SMTNL2: variants seen among roughly 807,000 people sequenced by gnomAD.
SMTNL2 encodes the protein smoothelin like 2, also known as smoothelin-like protein 2.
SMTNL2 carries 43 observed loss-of-function variants against 44.1 expected under a neutral mutation model. The observed-to-expected ratio is 0.98, with a 90% CI of 0.76 to 1.26. The LOEUF (loss-of-function observed/expected upper bound fraction) is 1.26. Ranked by LOEUF, SMTNL2 falls within the 50% of genes most tolerant of loss-of-function variation. The probability of loss-of-function intolerance (pLI) is 0.00; values close to 1 mark genes in which losing one functional copy is unlikely to be tolerated. For synonymous variants in SMTNL2, 317 were observed against 287.6 expected (o/e 1.10, Z -1.03); for missense variants, 646 against 670.2 (o/e 0.96, Z 0.40).
intron 7 of SMTNL2, among the ~76,000 whole-genome samples, chr17:4,606,420 CCTA>C (rs1425705688): frequency 6.6e-6 from 1 of 151,318 alleles, no homozygotes; most frequent in Admixed American, 6.6e-5. Context: ...CCACATCCAG[CCTA>C]CTTTTTTTTT....
Position 4,593,834 on chromosome 17 carries a change from C to T in SMTNL2, c.743C>T (p.Ser248Phe). ...CTCTCTTCCACAGAGAAGAATTCCT[C>T]TTTCACGTGGTCTGTGCCAAGCTCT... ...WTPSPSEKNS[S>F]FTWSVPSSGY... is the part of the protein sequence containing the mutation. The change falls in exon 4 of 8, where the codon TCT becomes TTT. Residue 248 changes from serine to phenylalanine, a missense_variant. Physicochemically the swap from Ser to Phe is radical, Grantham distance 155 (BLOSUM62 -2). Transcript: ENST00000389313. 6.2e-7 allele frequency: 1 copy of T among 1,613,978 alleles called. No homozygotes were observed.
chr17:4,597,094 G>A (rs1567635842), intron 6 of SMTNL2, 78 bp from the exon 7 acceptor site: 1 of 1,557,950 alleles, frequency 6.4e-7, no homozygotes, highest in Non-Finnish European at 8.7e-7. Flanking sequence ...GGGTTAAGGG[G>A]TAGGAACCAC....
chr17:4,596,681 C>T (rs1416375294), intron 5 of SMTNL2, among the ~76,000 whole-genome samples, 179 bp from the exon 6 acceptor site: 1 of 152,170 alleles, frequency 6.6e-6, no homozygotes, highest in Non-Finnish European at 1.5e-5. Flanking sequence ...GGTACATGGG[C>T]TGTGCCGTGG....
chr17:4,602,095 G>T (rs1910061689), intron 7 of SMTNL2, among the ~76,000 whole-genome samples: 1 of 151,962 alleles, frequency 6.6e-6, no homozygotes, highest in Non-Finnish European at 1.5e-5. Flanking sequence ...TGGAATATTT[G>T]CATTATATAA....
upstream of SMTNL2, among the ~76,000 whole-genome samples, chr17:4,584,345 C>G (rs921233826): frequency 1.3e-5 from 2 of 152,186 alleles, no homozygotes; most frequent in Non-Finnish European, 2.9e-5. Flanking sequence ...GCCGCTCCTC[C>G]GGGGTCGCAG....
chr17:4,607,637 C>T lies in SMTNL2; in HGVS notation c.*150C>T. ...GCATGTGACGGCACTCCCCTTCGAG[C>T]CCAGCTGTGTTACTGATTAAAAGTA... On this transcript the variant is annotated 3_prime_UTR_variant, in exon 8 of 8. Transcript: ENST00000389313. This position sits in a 1 kb window ranked among gnomAD's most constrained non-coding sequence, Gnocchi z 4.7. 9 of 1,262,440 alleles carry T rather than the reference C, an allele frequency of 7.1e-6. No individual in the cohort carries two copies. Among genetic ancestry groups the T allele is most frequent in the South Asian group, 2.9e-5 (2 of 67,938 alleles). 78.2% of individuals were successfully genotyped at this position (1,262,440 alleles called of 1,614,324 possible). A position where few individuals can be genotyped will look rare whatever the true frequency, so the allele number is the denominator to read the frequency against.
chr17:4,585,028 C>G (rs1046280985), intron 1 of SMTNL2, 24 bp downstream of exon 1: 5 of 1,305,760 alleles, frequency 3.8e-6, no homozygotes, highest in Non-Finnish European at 4.9e-6. Flanking sequence ...AGCGCGTGCG[C>G]TGGCGCCAGG....
At position 4,592,091 on chromosome 17, in the gene SMTNL2, A is replaced by C. The variant is rs939522331; in HGVS notation, c.400-270A>C. On this transcript the variant is annotated intron_variant, in intron 1 of 7. Coordinates refer to ENST00000389313, the MANE Select transcript of SMTNL2 (RefSeq NM_001114974.2). The surrounding 1 kb of genome is among the most constrained non-coding windows in gnomAD (Gnocchi z 4.5). ...GGGCCTAATGTCATTGGAACCCTCCATCTTGACTTCTGTCCTCAGCTTTTT... is the reference window on the plus strand; with the variant it reads ...GGGCCTAATGTCATTGGAACCCTCCCTCTTGACTTCTGTCCTCAGCTTTTT... 2.6e-5 allele frequency among the ~76,000 whole-genome samples: 4 copies of C among 152,232 alleles called. No homozygotes were observed. Among genetic ancestry groups the C allele is most frequent in the Admixed American group, 6.5e-5 (1 of 15,290 alleles).
rs143163722 is a variant in SMTNL2 at position 4,595,452 on chromosome 17, C to A, written c.989+125C>A. The stretch of plus-strand genomic sequence containing the variant: ...TTCCCCAGGGCGCTGTTGCCCAGGA[C>A]AAGATCTCTTGGGCAAGGCACAAAG... On this transcript the variant is annotated intron_variant, in intron 5 of 7. Coordinates refer to ENST00000389313, the MANE Select transcript of SMTNL2 (RefSeq NM_001114974.2). The surrounding 1 kb of genome is among the most constrained non-coding windows in gnomAD (Gnocchi z 5.1). 85 of 1,347,840 alleles carry A rather than the reference C, an allele frequency of 6.3e-5. No individual in the cohort carries two copies. The African/African-American group carries it at 9.5e-4, about 15-fold the overall frequency. 83.5% of individuals were successfully genotyped at this position (1,347,840 alleles called of 1,614,324 possible).
At chr17:4,593,778 C>G in intron 3 of SMTNL2, 44 bp from the exon 4 acceptor site, 1 of 1,597,058 alleles carries the variant, frequency 6.3e-7, no homozygotes, top group Non-Finnish European at 8.5e-7. Context: ...GCGGGCCCTC[C>G]CTGGGGCCAG....
Position 4,592,467 on chromosome 17 carries a change from G to C in SMTNL2, c.487+19G>C. 2 of 1,608,006 alleles carry C rather than the reference G, an allele frequency of 1.2e-6. No individual in the cohort carries two copies. Among genetic ancestry groups the C allele is most frequent in the Non-Finnish European group, 8.5e-7 (1 of 1,177,286 alleles). ...GGGGCAGGTAGGGCTGACGGCAGAGGAGGGGTGGCTGGGTAGGTTTGGGGG... is the reference window on the plus strand; with the variant it reads ...GGGGCAGGTAGGGCTGACGGCAGAGCAGGGGTGGCTGGGTAGGTTTGGGGG... On this transcript the variant is annotated intron_variant, in intron 2 of 7. Transcript: ENST00000389313. This position sits in a 1 kb window ranked among gnomAD's most constrained non-coding sequence, Gnocchi z 4.5.
At chr17:4,603,242 G>A (rs572105072) in intron 7 of SMTNL2, among the ~76,000 whole-genome samples, 12 of 152,182 alleles carry the variant, frequency 7.9e-5, no homozygotes, top group Non-Finnish European at 1.5e-4. Flanking sequence ...GACCTGGTTC[G>A]GAGAGGTGGG....
intron 7 of SMTNL2, among the ~76,000 whole-genome samples, chr17:4,603,355 T>C (rs952696797): frequency 1.3e-5 from 2 of 152,006 alleles, no homozygotes; most frequent in Admixed American, 6.6e-5. Flanking sequence ...GGTTCTGACA[T>C]GGGGGAAAAA....
At chr17:4,601,512 ATGATTGAT>A (rs3080230) in intron 7 of SMTNL2, among the ~76,000 whole-genome samples, 52 of 151,852 alleles carry the variant, frequency 3.4e-4, no homozygotes, top group African/African-American at 9.7e-4. Context: ...TTCTGTTTGA[ATGATTGAT>A]TGATTGATTG....
intron 4 of SMTNL2, 124 bp downstream of exon 4, chr17:4,594,021 CGGGAGCACTGGGCGGCAGGATGGG>C: frequency 1.0e-6 from 1 of 954,030 alleles, no homozygotes; most frequent in Non-Finnish European, 1.6e-6. Flanking sequence ...GGCTGGATCT[CGGGAGCACTGGGCGGCAGGATGGG>C]GGGAAGGTCT....
rs377190396 is a variant in SMTNL2, at chr17:4,597,384, C to G, written c.1259+61C>G. On this transcript the variant is annotated intron_variant, in intron 7 of 7. Coordinates refer to ENST00000389313, the MANE Select transcript of SMTNL2 (RefSeq NM_001114974.2). ...GCCCAGTCCCTGAGCCCAACTTCTTCCCCAGGTGGGGCATGGGGGCGAGTG... is the reference window on the plus strand; with the variant it reads ...GCCCAGTCCCTGAGCCCAACTTCTTGCCCAGGTGGGGCATGGGGGCGAGTG... The G allele has an allele frequency of 4.6e-5, 73 of 1,588,084 alleles. 1 individual carries two copies. Among genetic ancestry groups the G allele is most frequent in the East Asian group, 2.9e-4 (13 of 44,592 alleles).
Position 4,597,322 on chromosome 17 carries a change from G to T in SMTNL2, c.1258G>T (p.Glu420Ter), listed in dbSNP as rs200047727. The change falls in exon 7 of 8, where the codon GAG becomes TAG. Residue 420 changes from glutamate to a stop codon, truncating the protein, a stop_gained and splice_region_variant. Coordinates refer to ENST00000389313, the MANE Select transcript of SMTNL2 (RefSeq NM_001114974.2). LOFTEE classifies it high-confidence loss of function. ...CTTCGAGCTGGCTTTCACCATGGCC[G>T]AGTGAGTATGGTGGCTCCTGCTGGC... ...KNFELAFTMA[E>*]NLANCERLIE... The T allele has an allele frequency of 1.9e-6, 3 of 1,613,620 alleles. No individual in the cohort carries two copies. The highest frequency in any genetic ancestry group is 2.5e-6 in the Non-Finnish European group (3 of 1,179,770).
Position 4,595,816 on chromosome 17 carries a change from A to G in SMTNL2, c.989+489A>G, listed in dbSNP as rs1909783081. 6.6e-6 allele frequency among the ~76,000 whole-genome samples: 1 copy of G among 152,238 alleles called. No homozygotes were observed. The highest frequency in any genetic ancestry group is 2.1e-4 in the South Asian group (1 of 4,838). On this transcript the variant is annotated intron_variant, in intron 5 of 7. Transcript: ENST00000389313. This position sits in a 1 kb window ranked among gnomAD's most constrained non-coding sequence, Gnocchi z 5.1. ...CCAGCCTGCTACTAGGTCTCGAGCGACGGCTCCTCAGGCTCCAGCCCACCT... is the reference window on the plus strand; with the variant it reads ...CCAGCCTGCTACTAGGTCTCGAGCGGCGGCTCCTCAGGCTCCAGCCCACCT...
At chr17:4,584,138 G>C (rs1909238846), upstream of SMTNL2, 2 of 154,244 alleles carry the variant, frequency 1.3e-5, no homozygotes, top group South Asian at 4.1e-4. Context: ...GCTGCATAGG[G>C]AGGGCCCCGC....
Sources: allele counts gnomAD v4.1 joint callset (sites outside exome capture counted in the v4.1 genomes callset), GRCh38; gene constraint gnomAD v4.1.1; non-coding constraint Gnocchi (gnomAD v3.1); transcripts MANE v1.5; gene names NCBI Gene and HGNC (gene_info 2026-07-23, HGNC 2026-07-21).